Variants in CTNNA2 observed in about 807,000 individuals in gnomAD.
CTNNA2 encodes catenin alpha-2.
Under a neutral mutation model 101.0 loss-of-function variants are expected in CTNNA2, and 42 were observed. That is an observed-to-expected ratio of 0.42 (90% CI 0.32 to 0.54). CTNNA2 has a LOEUF of 0.54. CTNNA2 is among the 20% of genes least tolerant of loss of function. The probability of loss-of-function intolerance (pLI) is 0.14; values close to 1 mark genes in which losing one functional copy is unlikely to be tolerated. For missense variants in CTNNA2, 871 were observed against 1,223.1 expected (o/e 0.71, Z 4.29); for synonymous variants, 450 against 456.4 (o/e 0.99, Z 0.18).
chr2:80,203,983 C>T (rs551853590), intron 7 of CTNNA2, among the ~76,000 whole-genome samples: 82 of 152,322 alleles, frequency 5.4e-4, no homozygotes, highest in African/African-American at 1.9e-3. Context: ...CTTGAGGCTT[C>T]CACCCTCTGA....
intron 2 of CTNNA2, among the ~76,000 whole-genome samples, chr2:79,265,971 A>G (rs1290520793): frequency 6.6e-6 from 1 of 152,150 alleles, no homozygotes; most frequent in African/African-American, 2.4e-5. Flanking sequence ...TTTGCCATGG[A>G]TTTTTGATAG....
chr2:80,119,398 T>G (rs1397885089), intron 7 of CTNNA2, among the ~76,000 whole-genome samples: 4 of 152,270 alleles, frequency 2.6e-5, no homozygotes, highest in African/African-American at 4.8e-5. Context: ...AAGTTATTCT[T>G]GCAAAGAAAG....
At chr2:79,744,741 A>G (rs1201311778) in intron 3 of CTNNA2, among the ~76,000 whole-genome samples, 159 bp downstream of exon 3, 1 of 152,194 alleles carries the variant, frequency 6.6e-6, no homozygotes, top group Non-Finnish European at 1.5e-5. Context: ...GATGTGGTAC[A>G]TAGAGATATT....
chr2:79,833,600 C>T (rs1004177356), intron 3 of CTNNA2, among the ~76,000 whole-genome samples: 2 of 152,146 alleles, frequency 1.3e-5, no homozygotes, highest in East Asian at 1.9e-4. Context: ...TAGTAAAACT[C>T]GATTTCTTGC....
At chr2:80,646,855 A>C (rs1674148823) in intron 18 of CTNNA2, among the ~76,000 whole-genome samples, 1 of 152,024 alleles carries the variant, frequency 6.6e-6, no homozygotes, top group African/African-American at 2.4e-5. Context: ...TAGTTACTGG[A>C]CCTCTGCATG....
At chr2:79,990,328 A>G (rs1407531466) in intron 7 of CTNNA2, among the ~76,000 whole-genome samples, 2 of 152,176 alleles carry the variant, frequency 1.3e-5, no homozygotes, top group African/African-American at 4.8e-5. Context: ...AGAGTAGGAT[A>G]GAGGGGAAGA....
chr2:79,461,375 G>A (rs545987266), intron 4 of CTNNA2, among the ~76,000 whole-genome samples: 2 of 152,158 alleles, frequency 1.3e-5, no homozygotes, highest in Non-Finnish European at 2.9e-5. Flanking sequence ...CAGAAGAGAG[G>A]TTCCCTGGCA....
At chr2:79,638,418 T>G (rs1680225101) in intron 1 of CTNNA2, among the ~76,000 whole-genome samples, 1 of 152,240 alleles carries the variant, frequency 6.6e-6, no homozygotes. Context: ...GATGATTTAC[T>G]AAGGAGTATA....
intron 1 of CTNNA2, among the ~76,000 whole-genome samples, chr2:79,541,427 C>CACATATATAT (rs1485339148): frequency 2.1e-5 from 3 of 142,794 alleles, no homozygotes; most frequent in African/African-American, 5.2e-5. Flanking sequence ...CGCACACACA[C>CACATATATAT]ATATATATAT....
At chr2:79,841,404 A>G (rs1012503125) in intron 3 of CTNNA2, among the ~76,000 whole-genome samples, 5 of 152,154 alleles carry the variant, frequency 3.3e-5, no homozygotes, top group South Asian at 2.1e-4. Context: ...TAATTTTCCT[A>G]TGGAATGGCA....
rs543990479 is a variant in CTNNA2 at position 79,708,231 on chromosome 2, G to A, written c.103-36156G>A. The stretch of plus-strand genomic sequence containing the variant: ...CACTCTTGCCCCAGTAGTTCAAGTT[G>A]CCCTTCTGAAAGCTGTAATAAATAT... On this transcript the variant is annotated intron_variant, in intron 2 of 18. Transcript: ENST00000402739. Among the ~76,000 whole-genome samples, 5 of 152,232 alleles carry A rather than the reference G, an allele frequency of 3.3e-5. No homozygotes were observed. The East Asian group carries it at 9.7e-4, about 29-fold the overall frequency.
chr2:79,203,492 C>T (rs952770446), intron 2 of CTNNA2, among the ~76,000 whole-genome samples: 2 of 152,108 alleles, frequency 1.3e-5, no homozygotes, highest in Non-Finnish European at 2.9e-5. Context: ...AATGGAAATG[C>T]TGCTGGATAA....
Position 80,596,279 on chromosome 2 carries a change from G to GTTTTTTTTTTTTTTTTTTTTTTTT in CTNNA2, c.2189+6819_2189+6842dup, listed in dbSNP as rs60132060. On this transcript the variant is annotated intron_variant, in intron 15 of 18. Transcript: ENST00000402739. ...AGTTTTTTTGGGCTGAGACAAGGTT[G>GTTTTTTTTTTTTTTTTTTTTTTTT]TTTTTTTTTTTTTTTTTTTTTTTTT... Among the ~76,000 whole-genome samples the GTTTTTTTTTTTTTTTTTTTTTTTT allele has an allele frequency of 8.5e-5, 3 of 35,324 alleles. 1 individual carries two copies. The highest frequency in any genetic ancestry group is 4.3e-4 in the Admixed American group (1 of 2,318). 23.2% of individuals were successfully genotyped at this position (35,324 alleles called of 152,430 possible).
intron 3 of CTNNA2, among the ~76,000 whole-genome samples, chr2:79,845,669 A>C (rs1680178132): frequency 6.6e-6 from 1 of 152,230 alleles, no homozygotes; most frequent in South Asian, 2.1e-4. Flanking sequence ...CCTAGTGACA[A>C]GCTATTGATC....
intron 7 of CTNNA2, among the ~76,000 whole-genome samples, chr2:80,013,265 T>C (rs1693909822): frequency 6.6e-6 from 1 of 152,148 alleles, no homozygotes. Context: ...TCGATCCAGA[T>C]TTGAGTTTTC....
chr2:79,389,733 T>C (rs1419106787), intron 4 of CTNNA2, among the ~76,000 whole-genome samples: 1 of 152,198 alleles, frequency 6.6e-6, no homozygotes, highest in Non-Finnish European at 1.5e-5. Context: ...AAAAGTGGCA[T>C]AGATTAAAAG....
At chr2:79,683,362 T>A (rs1052631401) in intron 2 of CTNNA2, among the ~76,000 whole-genome samples, 4 of 152,198 alleles carry the variant, frequency 2.6e-5, no homozygotes, top group Non-Finnish European at 2.9e-5. Flanking sequence ...ACAGAAATAA[T>A]AACAATACAC....
chr2:79,484,380 C>G (rs1671138926), intron 4 of CTNNA2, among the ~76,000 whole-genome samples: 1 of 152,124 alleles, frequency 6.6e-6, no homozygotes, highest in African/African-American at 2.4e-5. Context: ...CTTCCTTGAC[C>G]TTAAAGCATG....
intron 7 of CTNNA2, among the ~76,000 whole-genome samples, chr2:80,066,621 C>G (rs1698001696): frequency 6.6e-6 from 1 of 152,056 alleles, no homozygotes; most frequent in African/African-American, 2.4e-5. Flanking sequence ...AAAGGGAACC[C>G]TTTAACACTG....
Sources: gnomAD v4.1 joint callset for allele counts (sites outside exome capture counted in the v4.1 genomes callset) on GRCh38, gnomAD v4.1.1 for gene constraint, MANE v1.5 for transcripts, NCBI Gene and HGNC (gene_info 2026-07-23, HGNC 2026-07-21) for gene names.